Variants in FBXL13 observed in about 807,000 individuals in gnomAD.
FBXL13 encodes the protein F-box and leucine rich repeat protein 13, also known as F-box and leucine-rich repeat protein 13.
A neutral mutation model predicts 83.6 loss-of-function variants in FBXL13; 67 were observed. The ratio of observed to expected loss-of-function variants is 0.80; its 90% CI spans 0.66 to 0.98. FBXL13 has a LOEUF of 0.98. Among genes scored for constraint, FBXL13 ranks in the 50% least tolerant of loss-of-function variants. FBXL13 has a pLI of 0.00. For synonymous variants in FBXL13, 272 were observed against 299.5 expected (o/e 0.91, Z 0.95); for missense variants, 822 against 866.5 (o/e 0.95, Z 0.64).
intron 6 of FBXL13, among the ~76,000 whole-genome samples, chr7:103,007,857 T>C (rs1791145788): frequency 6.6e-6 from 1 of 151,712 alleles, no homozygotes; most frequent in Non-Finnish European, 1.5e-5. Context: ...TCAGAACAAG[T>C]GTGGAAAGGA....
intron 2 of FBXL13, among the ~76,000 whole-genome samples, chr7:103,037,842 C>T (rs927943451): frequency 2.6e-5 from 4 of 152,058 alleles, no homozygotes; most frequent in Non-Finnish European, 4.4e-5. Flanking sequence ...CCAAGATGGC[C>T]GAATAGAAAC....
intron 6 of FBXL13, among the ~76,000 whole-genome samples, chr7:103,006,776 C>G (rs180864861): frequency 1.3e-5 from 2 of 151,738 alleles, no homozygotes; most frequent in East Asian, 3.9e-4. Flanking sequence ...AAAATAGAAA[C>G]ACACAGAGAA....
At chr7:102,965,273 T>G (rs563208146) in intron 7 of FBXL13, among the ~76,000 whole-genome samples, 1 of 152,282 alleles carries the variant, frequency 6.6e-6, no homozygotes, top group Admixed American at 6.5e-5. Flanking sequence ...TTGAATCCCA[T>G]CCTAGCCATT....
intron 2 of FBXL13, among the ~76,000 whole-genome samples, chr7:103,033,037 GTCTGTC>G (rs1794667956): frequency 6.6e-6 from 1 of 151,894 alleles, no homozygotes; most frequent in African/African-American, 2.4e-5. Context: ...CTCTCTGTCT[GTCTGTC>G]TCTGTCTCTC....
rs528515433 is a variant in FBXL13 at position 102,924,763 on chromosome 7, T to TC, written c.878+1510dup. ...TTCATGCCATTCTCCTGCCTCAGCCTCCGAGTAGCTGGGACTACAGGCACC... is the reference window on the plus strand; with the variant it reads ...TTCATGCCATTCTCCTGCCTCAGCCTCCCGAGTAGCTGGGACTACAGGCACC... On this transcript the variant is annotated intron_variant, in intron 10 of 19. Coordinates refer to ENST00000313221, the Ensembl canonical transcript of FBXL13. 3.8e-3 allele frequency among the ~76,000 whole-genome samples: 561 copies of TC among 149,400 alleles called. 5 individuals carry two copies. The highest frequency in any genetic ancestry group is 0.014 in the African/African-American group (554 of 40,838).
At chr7:103,054,930 G>T (rs1797192294) in intron 2 of FBXL13, among the ~76,000 whole-genome samples, 158 bp downstream of exon 3, 1 of 152,112 alleles carries the variant, frequency 6.6e-6, no homozygotes, top group Non-Finnish European at 1.5e-5. Context: ...GGCTTTGCAT[G>T]CGTCTGTGTA....
intron 1 of FBXL13, among the ~76,000 whole-genome samples, chr7:103,073,367 T>C (rs960935904): frequency 1.3e-5 from 2 of 152,148 alleles, no homozygotes; most frequent in African/African-American, 4.8e-5. Context: ...CCTGTAGTCC[T>C]AGCTACTTGG....
chr7:102,890,342 G>T (rs972614863), intron 11 of FBXL13, among the ~76,000 whole-genome samples: 2 of 152,196 alleles, frequency 1.3e-5, no homozygotes, highest in African/African-American at 4.8e-5. Flanking sequence ...TGGTTGTAAA[G>T]TGATTTTGGC....
intron 10 of FBXL13, among the ~76,000 whole-genome samples, chr7:102,922,085 G>C (rs551949822): frequency 5.6e-4 from 85 of 152,082 alleles, no homozygotes; most frequent in Non-Finnish European, 1.0e-3. Context: ...AGTTACTCAG[G>C]AGGCTGAGGC....
intron 8 of FBXL13, among the ~76,000 whole-genome samples, chr7:102,959,686 A>G (rs941839785): frequency 6.6e-6 from 1 of 152,076 alleles, no homozygotes; most frequent in Non-Finnish European, 1.5e-5. Context: ...AAATACTTAT[A>G]TGATAGATAG....
chr7:102,981,233 T>A (rs1828174165), intron 6 of FBXL13, among the ~76,000 whole-genome samples: 1 of 152,190 alleles, frequency 6.6e-6, no homozygotes, highest in Admixed American at 6.5e-5. Flanking sequence ...TTTCTGAGCA[T>A]ACAGAGAAAG....
Position 102,931,811 on chromosome 7 carries a change from T to A in FBXL13, c.777+70A>T, listed in dbSNP as rs938155805. 2.1e-6 allele frequency: 3 copies of A among 1,414,054 alleles called. No individual in the cohort carries two copies. In the East Asian group the frequency reaches 6.9e-5, roughly 33 times the overall value. 87.6% of individuals were successfully genotyped at this position (1,414,054 alleles called of 1,614,324 possible). A position where few individuals can be genotyped will look rare whatever the true frequency, so the allele number is the denominator to read the frequency against. ...CAAATAAGCACACAAGCATCTATTC[T>A]GCATATTGGCACCCCAATGTAGCAA... is the stretch of plus-strand genomic sequence containing the variant. On this transcript the variant is annotated intron_variant, in intron 9 of 19. Coordinates refer to ENST00000313221, the Ensembl canonical transcript of FBXL13.
chr7:103,071,975 G>A (rs1475526544), intron 1 of FBXL13, among the ~76,000 whole-genome samples: 1 of 152,066 alleles, frequency 6.6e-6, no homozygotes, highest in Non-Finnish European at 1.5e-5. Flanking sequence ...CTGAGGTTAG[G>A]AGTTCGAGAC....
chr7:102,954,954 CA>C (rs1255838048), intron 8 of FBXL13, among the ~76,000 whole-genome samples: 1 of 152,114 alleles, frequency 6.6e-6, no homozygotes, highest in African/African-American at 2.4e-5. Flanking sequence ...GAGAGTTTAA[CA>C]CCCCACTGTC....
chr7:102,857,359 C>T (rs1355971765), intron 16 of FBXL13: 1 of 152,128 alleles, frequency 6.6e-6, no homozygotes, highest in Non-Finnish European at 1.5e-5. Context: ...CCAGAATATA[C>T]AAGGAACTCA....
At chr7:103,068,499 A>T (rs74420838) in intron 1 of FBXL13, among the ~76,000 whole-genome samples, 7,625 of 152,318 alleles carry the variant, frequency 0.05, 280 homozygotes, top group East Asian at 0.21. Context: ...ACAACTAGAA[A>T]AAAACAGACA....
intron 9 of FBXL13, among the ~76,000 whole-genome samples, chr7:102,927,326 C>A (rs1818327836): frequency 1.3e-5 from 2 of 152,130 alleles, no homozygotes; most frequent in Non-Finnish European, 2.9e-5. Flanking sequence ...AAAGAATAGA[C>A]CACTGCAGGT....
chr7:102,971,198 C>T (rs996009931), intron 6 of FBXL13, among the ~76,000 whole-genome samples: 11 of 152,108 alleles, frequency 7.2e-5, no homozygotes, highest in South Asian at 2.1e-4. Context: ...ACACAGATTA[C>T]GTACAAAAGA....
chr7:103,036,167 C>G (rs1462006170), intron 2 of FBXL13, among the ~76,000 whole-genome samples: 1 of 152,118 alleles, frequency 6.6e-6, no homozygotes, highest in Non-Finnish European at 1.5e-5. Context: ...ACAGTTTCAT[C>G]CTTAAATCAC....
Sources: allele counts gnomAD v4.1 joint callset (sites outside exome capture counted in the v4.1 genomes callset), GRCh38; gene constraint gnomAD v4.1.1; transcripts MANE v1.5; gene names NCBI Gene and HGNC (gene_info 2026-07-23, HGNC 2026-07-21).